Variants in WFDC13 observed in about 807,000 individuals in gnomAD.
The protein encoded by WFDC13 is WAP four-disulfide core domain protein 13.
Under a neutral mutation model 10.9 loss-of-function variants are expected in WFDC13, and 6 were observed. The observed-to-expected ratio is 0.55, with a 90% CI of 0.30 to 1.09. The LOEUF is 1.09. Ranked by LOEUF, WFDC13 falls within the 50% of genes least tolerant of loss-of-function variation. The probability of loss-of-function intolerance (pLI) is 0.06; values close to 1 mark genes in which losing one functional copy is unlikely to be tolerated. For missense variants in WFDC13, 104 were observed against 109.6 expected (o/e 0.95, Z 0.23); for synonymous variants, 38 against 39.5 (o/e 0.96, Z 0.14).
intron 3 of WFDC13, among the ~76,000 whole-genome samples, chr20:45,707,500 C>A (rs1051135426): frequency 3.3e-5 from 5 of 152,238 alleles, no homozygotes; most frequent in African/African-American, 2.4e-5. Context: ...AGTTCCTTAG[C>A]CTTATTTTCC....
intron 1 of WFDC13, among the ~76,000 whole-genome samples, chr20:45,702,959 G>A (rs1984227738): frequency 6.6e-6 from 1 of 152,208 alleles, no homozygotes; most frequent in South Asian, 2.1e-4. Flanking sequence ...GGGGAGGCTA[G>A]GTCCTGCTTA....
At chr20:45,705,735 C>A in intron 2 of WFDC13, 128 bp from the exon 3 acceptor site, 2 of 810,340 alleles carry the variant, frequency 2.5e-6, no homozygotes, top group Non-Finnish European at 3.8e-6. Flanking sequence ...TGAGGTTCTG[C>A]CTTCCCTATG....
At chr20:45,702,241 A>C in intron 1 of WFDC13, 30 bp downstream of exon 1, 1 of 1,595,652 alleles carries the variant, frequency 6.3e-7, no homozygotes, top group African/African-American at 1.3e-5. Flanking sequence ...CCAAGGAGGG[A>C]AGTAACATGT....
chr20:45,704,339 C>G, intron 1 of WFDC13, 105 bp from the exon 2 acceptor site: 1 of 1,453,236 alleles, frequency 6.9e-7, no homozygotes, highest in Non-Finnish European at 9.3e-7. Context: ...CCATGCAAGG[C>G]AGATGAGGGT....
At chr20:45,707,428 G>C (rs1217994430) in intron 3 of WFDC13, among the ~76,000 whole-genome samples, 1 of 152,100 alleles carries the variant, frequency 6.6e-6, no homozygotes, top group African/African-American at 2.4e-5. Flanking sequence ...TGTAGGCACT[G>C]GTCACGAGAG....
chr20:45,707,226 G>A (rs1984430716), intron 3 of WFDC13, among the ~76,000 whole-genome samples: 1 of 152,190 alleles, frequency 6.6e-6, no homozygotes, highest in Non-Finnish European at 1.5e-5. Context: ...CTTTTGTAGT[G>A]TCCTATCTTT....
intron 2 of WFDC13, chr20:45,704,821 A>C: frequency 7.1e-7 from 1 of 1,400,624 alleles, no homozygotes; most frequent in Non-Finnish European, 1.0e-6. Flanking sequence ...CATATCCGTG[A>C]ATTTCTGACT....
chr20:45,704,329 C>A, intron 1 of WFDC13, 115 bp from the exon 2 acceptor site: 1 of 1,399,628 alleles, frequency 7.1e-7, no homozygotes, highest in Non-Finnish European at 9.6e-7. Flanking sequence ...CACCCTGGAA[C>A]CATGCAAGGC....
Position 45,708,735 on chromosome 20 carries a change from G to C in WFDC13, c.*900G>C, listed in dbSNP as rs940135393. ...TATTTTCCTGGGATTCATGATATTT[G>C]ATATATTCGTAAGCTTTTGTTAAGT... On this transcript the variant is annotated 3_prime_UTR_variant, in exon 4 of 4. Coordinates refer to ENST00000305479, the MANE Select transcript of WFDC13 (RefSeq NM_172005.2). 6.6e-6 allele frequency: 1 copy of C among 152,104 alleles called. No individual in the cohort carries two copies. Among genetic ancestry groups the C allele is most frequent in the Non-Finnish European group, 1.5e-5 (1 of 68,012 alleles). The allele number at this position is 152,104 out of a possible 1,614,324, so 9.4% of individuals were successfully genotyped here. A position where few individuals can be genotyped will look rare whatever the true frequency, so the allele number is the denominator to read the frequency against.
At chr20:45,704,351 G>A (rs1368971446) in intron 1 of WFDC13, 93 bp from the exon 2 acceptor site, 1 of 1,500,200 alleles carries the variant, frequency 6.7e-7, no homozygotes, top group Admixed American at 2.1e-5. Flanking sequence ...GATGAGGGTG[G>A]CAGGTTTCCT....
rs747829338 is a variant in WFDC13, at chr20:45,702,134, T to A, written c.11T>A (p.Val4Glu). 5.0e-6 allele frequency: 8 copies of A among 1,613,102 alleles called. No homozygotes were observed. Among genetic ancestry groups the A allele is most frequent in the African/African-American group, 4.0e-5 (3 of 74,926 alleles). Residue 4 changes from valine (V) to glutamate (E), a missense_variant, in exon 1 of 4, where the codon GTG becomes GAG. Physicochemically the swap from Val to Glu is moderately radical, Grantham distance 121 (BLOSUM62 -2). Transcript: ENST00000305479. MKP[V>E]LPLQFLVVFC... ...CATCCCACTGACACCATGAAGCCTG[T>A]GCTGCCTCTCCAGTTCCTGGTGGTG...
At chr20:45,704,665 C>A in intron 2 of WFDC13, 71 bp downstream of exon 2, 1 of 1,568,464 alleles carries the variant, frequency 6.4e-7, no homozygotes, top group Non-Finnish European at 8.6e-7. Flanking sequence ...AGTCCCTTAC[C>A]AGCAACTGTG....
intron 2 of WFDC13, chr20:45,705,263 C>G (rs528238395): frequency 2.2e-6 from 1 of 459,214 alleles, no homozygotes; most frequent in African/African-American, 2.0e-5. Context: ...TTTGCAAGGC[C>G]CATATGAAAT....
At chr20:45,702,738 A>G (rs1984217627) in intron 1 of WFDC13, among the ~76,000 whole-genome samples, 1 of 152,230 alleles carries the variant, frequency 6.6e-6, no homozygotes, top group Non-Finnish European at 1.5e-5. Context: ...ATTACCGGTA[A>G]TTAGCATCAA....
intron 2 of WFDC13, chr20:45,705,162 C>G: frequency 1.6e-6 from 1 of 617,888 alleles, no homozygotes; most frequent in Non-Finnish European, 2.9e-6. Flanking sequence ...CATCTTGCAA[C>G]TATGTCTTTC....
intron 2 of WFDC13, chr20:45,705,090 G>C (rs746643763): frequency 8.4e-7 from 1 of 1,195,254 alleles, no homozygotes; most frequent in Non-Finnish European, 1.2e-6. Flanking sequence ...CTGCTAAATG[G>C]AGTGTGCTCC....
In WFDC13 at chr20:45,708,492, T is replaced by A. The variant is rs562144291; in HGVS notation, c.*657T>A. On this transcript the variant is annotated 3_prime_UTR_variant, in exon 4 of 4. Transcript: ENST00000305479. ...AGAGGACATGACAGTGTGGCATTAC[T>A]GATAAGTTATGGAAATGGAAATAAT... 6.6e-6 allele frequency: 1 copy of A among 152,216 alleles called. No homozygotes were observed. The highest frequency in any genetic ancestry group is 2.4e-5 in the African/African-American group (1 of 41,454). 9.4% of individuals were successfully genotyped at this position (152,216 alleles called of 1,614,324 possible).
At chr20:45,702,845 G>A (rs552339213) in intron 1 of WFDC13, among the ~76,000 whole-genome samples, 1 of 152,276 alleles carries the variant, frequency 6.6e-6, no homozygotes, top group Non-Finnish European at 1.5e-5. Flanking sequence ...AATACCAAGT[G>A]GGAAAAGAAC....
rs151324117 is a variant in WFDC13 at position 45,704,817 on chromosome 20, C to T, written c.239+223C>T. ...AATCACCACATCCCATCACCATATCCGTGAATTTCTGACTCTGCCTCTCTG... is the reference window on the plus strand; with the variant it reads ...AATCACCACATCCCATCACCATATCTGTGAATTTCTGACTCTGCCTCTCTG... On this transcript the variant is annotated intron_variant, in intron 2 of 3. Coordinates refer to ENST00000305479, the MANE Select transcript of WFDC13 (RefSeq NM_172005.2). The T allele has an allele frequency of 4.1e-4, 560 of 1,367,476 alleles. 4 individuals carry two copies. The African/African-American group carries it at 6.2e-3, about 15-fold the overall frequency. The allele number at this position is 1,367,476 out of a possible 1,614,324, so 84.7% of individuals were successfully genotyped here. A position where few individuals can be genotyped will look rare whatever the true frequency, so the allele number is the denominator to read the frequency against.
Sources: gnomAD v4.1 joint callset for allele counts (sites outside exome capture counted in the v4.1 genomes callset) on GRCh38, gnomAD v4.1.1 for gene constraint, MANE v1.5 for transcripts, NCBI Gene and HGNC (gene_info 2026-07-23, HGNC 2026-07-21) for gene names.